Variants in ANKS1B observed in about 807,000 individuals in gnomAD.
ANKS1B encodes the protein ankyrin repeat and sterile alpha motif domain-containing protein 1B.
Under a neutral mutation model 148.3 loss-of-function variants are expected in ANKS1B, and 36 were observed. The ratio of observed to expected loss-of-function variants is 0.24; its 90% CI spans 0.19 to 0.32. The LOEUF is 0.32. Ranked by LOEUF, ANKS1B falls within the 10% of genes least tolerant of loss-of-function variation. The pLI, the probability that ANKS1B is intolerant of heterozygous loss-of-function variation, is 1.00. For missense variants in ANKS1B, 1,157 were observed against 1,542.6 expected, an observed-to-expected ratio of 0.75 and a Z score of 4.19; for synonymous variants, 542 against 560.8, an observed-to-expected ratio of 0.97 and a Z score of 0.47.
chr12:99,735,422 A>T (rs2059522226), intron 8 of ANKS1B, among the ~76,000 whole-genome samples: 1 of 152,200 alleles, frequency 6.6e-6, no homozygotes, highest in African/African-American at 2.4e-5. Context: ...GAAATTAAGA[A>T]ATGGAACATC....
intron 1 of ANKS1B, among the ~76,000 whole-genome samples, chr12:99,841,774 C>A (rs954877256): frequency 2.0e-5 from 3 of 151,910 alleles, no homozygotes; most frequent in Non-Finnish European, 4.4e-5. Context: ...AATTTATTGA[C>A]TAGAAATCAT....
intron 17 of ANKS1B, among the ~76,000 whole-genome samples, chr12:98,883,023 C>T (rs1210711639): frequency 2.0e-5 from 3 of 152,102 alleles, no homozygotes; most frequent in Admixed American, 6.5e-5. Context: ...TACTCTTTCA[C>T]AGACAAAGGA....
At chr12:99,294,286 A>G (rs949892243) in intron 12 of ANKS1B, among the ~76,000 whole-genome samples, 1 of 152,236 alleles carries the variant, frequency 6.6e-6, no homozygotes, top group Non-Finnish European at 1.5e-5. Flanking sequence ...TTGTCCATCA[A>G]CAGATAAATG....
At chr12:99,148,142 C>T (rs1235213884) in intron 15 of ANKS1B, among the ~76,000 whole-genome samples, 1 of 152,042 alleles carries the variant, frequency 6.6e-6, no homozygotes, top group Non-Finnish European at 1.5e-5. Flanking sequence ...GGCTGTAATT[C>T]AGCAGCTTTG....
chr12:98,807,779 C>T, intron 20 of ANKS1B, 65 bp downstream of exon 20: 1 of 1,395,594 alleles, frequency 7.2e-7, no homozygotes, highest in Non-Finnish European at 1.0e-6. Context: ...TAGCTGTTGA[C>T]AACACTGTGC....
At position 99,419,767 on chromosome 12, in the gene ANKS1B, C is replaced by T. The variant is rs112529062; in HGVS notation, c.1576-19956G>A. On this transcript the variant is annotated intron_variant, in intron 11 of 26. Coordinates refer to ENST00000683438, the MANE Select transcript of ANKS1B (RefSeq NM_001352186.2). ...TACTGCAGCCTCAATCTCCTGGGCT[C>T]AAGCGATCCTCCCACCTTAGCCCCC... 6.6e-3 allele frequency among the ~76,000 whole-genome samples: 1,005 copies of T among 152,264 alleles called. 8 individuals are homozygous for T. Among genetic ancestry groups the T allele is most frequent in the African/African-American group, 0.023 (950 of 41,548 alleles).
intron 17 of ANKS1B, among the ~76,000 whole-genome samples, chr12:98,857,393 T>C (rs760391075): frequency 2.8e-4 from 42 of 152,140 alleles, no homozygotes; most frequent in Non-Finnish European, 4.7e-4. Flanking sequence ...TGTGGTTACA[T>C]TGCAGGGGGC....
intron 25 of ANKS1B, among the ~76,000 whole-genome samples, chr12:98,768,530 C>A (rs536468604): frequency 2.3e-4 from 34 of 149,262 alleles, no homozygotes; most frequent in Non-Finnish European, 3.7e-4. Flanking sequence ...GTCGGGAGAT[C>A]GGGACCATCT....
chr12:99,237,924 C>G (rs1842066563), intron 14 of ANKS1B, among the ~76,000 whole-genome samples: 1 of 152,182 alleles, frequency 6.6e-6, no homozygotes, highest in Admixed American at 6.5e-5. Context: ...AAAAACTTCA[C>G]TGGTGTCCAA....
At chr12:99,434,797 T>C (rs2152762204) in intron 11 of ANKS1B, among the ~76,000 whole-genome samples, 1 of 152,114 alleles carries the variant, frequency 6.6e-6, no homozygotes, top group East Asian at 1.9e-4. Flanking sequence ...ATTCAGGCTG[T>C]CTAGACATGC....
intron 4 of ANKS1B, among the ~76,000 whole-genome samples, chr12:99,785,275 GTGTGTGTC>G (rs1179404157): frequency 2.0e-5 from 3 of 150,638 alleles, no homozygotes; most frequent in African/African-American, 2.4e-5. Flanking sequence ...GTGTGTGTGT[GTGTGTGTC>G]TGTGTGTCTG....
chr12:99,969,407 C>T (rs2095531213), intron 1 of ANKS1B, among the ~76,000 whole-genome samples: 1 of 152,110 alleles, frequency 6.6e-6, no homozygotes, highest in South Asian at 2.1e-4. Flanking sequence ...TGGTCTTGAA[C>T]TCCTTGGCTC....
At chr12:98,931,534 A>C (rs1466398529) in intron 17 of ANKS1B, 2 of 152,140 alleles carry the variant, frequency 1.3e-5, no homozygotes, top group Non-Finnish European at 2.9e-5. Flanking sequence ...GTACACTTCA[A>C]AGGTAGGCTA....
At chr12:99,023,055 C>T (rs2099946743) in intron 17 of ANKS1B, among the ~76,000 whole-genome samples, 1 of 152,068 alleles carries the variant, frequency 6.6e-6, no homozygotes, top group Admixed American at 6.6e-5. Context: ...AACTATCGTA[C>T]ATTCCTGGGA....
At chr12:99,829,720 C>T (rs567132462) in intron 1 of ANKS1B, among the ~76,000 whole-genome samples, 44 of 152,190 alleles carry the variant, frequency 2.9e-4, no homozygotes, top group Non-Finnish European at 5.7e-4. Context: ...GTCCCAACTA[C>T]TCAGGAGGCT....
chr12:99,700,953 T>C (rs997498238), intron 8 of ANKS1B, among the ~76,000 whole-genome samples: 1 of 152,174 alleles, frequency 6.6e-6, no homozygotes, highest in Non-Finnish European at 1.5e-5. Context: ...CTCTTACTTG[T>C]AATATCTTGT....
At chr12:99,705,449 G>A (rs2055589393) in intron 8 of ANKS1B, among the ~76,000 whole-genome samples, 1 of 152,104 alleles carries the variant, frequency 6.6e-6, no homozygotes, top group Admixed American at 6.6e-5. Context: ...TAAAGATGCT[G>A]TTGTCAAGAC....
At chr12:99,509,987 T>C (rs1214274290) in intron 9 of ANKS1B, among the ~76,000 whole-genome samples, 1 of 152,038 alleles carries the variant, frequency 6.6e-6, no homozygotes, top group Non-Finnish European at 1.5e-5. Flanking sequence ...CTATGCTCTA[T>C]AAATGAAACA....
intron 9 of ANKS1B, among the ~76,000 whole-genome samples, chr12:99,638,395 T>A (rs1333482833): frequency 2.0e-5 from 3 of 152,252 alleles, no homozygotes; most frequent in Non-Finnish European, 4.4e-5. Context: ...CAGGCTGAGG[T>A]GTCTCAGATG....
Sources: gnomAD v4.1 joint callset for allele counts (sites outside exome capture counted in the v4.1 genomes callset) on GRCh38, gnomAD v4.1.1 for gene constraint, MANE v1.5 for transcripts, NCBI Gene and HGNC (gene_info 2026-07-23, HGNC 2026-07-21) for gene names.